The following BBX variants were observed in gnomAD, a reference collection of about 807,000 sequenced individuals.
BBX encodes BBX high mobility group box domain containing.
In BBX, 30 loss-of-function variants were observed where a neutral mutation model predicts 100.2. The ratio of observed to expected loss-of-function variants is 0.30; its 90% CI spans 0.22 to 0.41. The LOEUF is 0.41. Ranked by LOEUF, BBX falls within the 10% of genes least tolerant of loss-of-function variation. The probability of loss-of-function intolerance (pLI) is 1.00; values close to 1 mark genes in which losing one functional copy is unlikely to be tolerated. For missense variants in BBX, 1,023 were observed against 1,129.8 expected (o/e 0.91, Z 1.35); for synonymous variants, 376 against 388.1 (o/e 0.97, Z 0.37).
intron 17 of BBX, among the ~76,000 whole-genome samples, chr3:107,803,615 TAG>T (rs1442193080): frequency 6.6e-6 from 1 of 152,250 alleles, no homozygotes; most frequent in Non-Finnish European, 1.5e-5. Context: ...GTTTATTTAC[TAG>T]AAGTTAAATT....
intron 5 of BBX, among the ~76,000 whole-genome samples, chr3:107,723,580 G>T (rs571411028): frequency 6.6e-6 from 1 of 151,898 alleles, no homozygotes; most frequent in East Asian, 1.9e-4. Context: ...CCCACAACAG[G>T]CCCCGGTGTG....
At chr3:107,800,520 C>G (rs1288378104) in intron 16 of BBX, among the ~76,000 whole-genome samples, 1 of 152,208 alleles carries the variant, frequency 6.6e-6, no homozygotes, top group East Asian at 1.9e-4. Context: ...CATACTTGCA[C>G]AGCATTTCAT....
intron 3 of BBX, among the ~76,000 whole-genome samples, chr3:107,646,909 C>T (rs1276389550): frequency 1.3e-5 from 2 of 152,004 alleles, no homozygotes; most frequent in East Asian, 3.9e-4. Context: ...AAATATAAGG[C>T]CTCTGAACGA....
At chr3:107,598,080 A>T (rs566379148) in intron 2 of BBX, among the ~76,000 whole-genome samples, 2 of 152,212 alleles carry the variant, frequency 1.3e-5, no homozygotes, top group Non-Finnish European at 2.9e-5. Flanking sequence ...GTGTGCCTGC[A>T]TATCCTTTGG....
chr3:107,615,656 G>A (rs776123493), intron 2 of BBX, among the ~76,000 whole-genome samples: 2 of 152,132 alleles, frequency 1.3e-5, no homozygotes, highest in Non-Finnish European at 2.9e-5. Flanking sequence ...CATAGCAAGT[G>A]ACAACTACTG....
intron 2 of BBX, among the ~76,000 whole-genome samples, chr3:107,542,202 C>T (rs1434159856): frequency 6.6e-6 from 1 of 152,020 alleles, no homozygotes; most frequent in African/African-American, 2.4e-5. Context: ...AAGGTCTAGT[C>T]ATTATTATAC....
chr3:107,589,935 A>G (rs527635260), intron 2 of BBX, among the ~76,000 whole-genome samples: 1 of 151,982 alleles, frequency 6.6e-6, no homozygotes, highest in African/African-American at 2.4e-5. Context: ...CTTTTATTTT[A>G]TTGCTTTCTA....
chr3:107,805,306 C>T (rs1422609283), intron 17 of BBX, 64 bp from the exon 18 acceptor site: 2 of 1,461,184 alleles, frequency 1.4e-6, no homozygotes, highest in African/African-American at 1.4e-5. Flanking sequence ...TGTTATTCAT[C>T]GTCCTCTCCT....
At chr3:107,787,045 T>G (rs992806137) in intron 13 of BBX, among the ~76,000 whole-genome samples, 6 of 152,184 alleles carry the variant, frequency 3.9e-5, no homozygotes, top group Non-Finnish European at 5.9e-5. Flanking sequence ...AAAATCCAGT[T>G]AATATCATCA....
At chr3:107,797,651 C>T (rs370831175) in intron 15 of BBX, among the ~76,000 whole-genome samples, 2 of 152,120 alleles carry the variant, frequency 1.3e-5, no homozygotes, top group South Asian at 4.1e-4. Flanking sequence ...TCTTGTCTTA[C>T]TTTTAAGTTA....
At chr3:107,614,193 G>A (rs994746806) in intron 2 of BBX, among the ~76,000 whole-genome samples, 25 of 151,916 alleles carry the variant, frequency 1.6e-4, no homozygotes, top group South Asian at 6.2e-4. Context: ...ATCATGGTCC[G>A]CCTGCCTCGG....
At chr3:107,658,108 G>T (rs1017931566) in intron 3 of BBX, among the ~76,000 whole-genome samples, 1 of 152,042 alleles carries the variant, frequency 6.6e-6, no homozygotes, top group East Asian at 1.9e-4. Context: ...TAGCCATGTT[G>T]TATAATCTTT....
At chr3:107,749,872 G>C (rs1386564392) in intron 9 of BBX, among the ~76,000 whole-genome samples, 2 of 152,130 alleles carry the variant, frequency 1.3e-5, no homozygotes, top group Non-Finnish European at 2.9e-5. Context: ...GACCTCAGGT[G>C]ATCCGCCCGC....
At chr3:107,600,107 A>G (rs6798865) in intron 2 of BBX, among the ~76,000 whole-genome samples, 2,938 of 152,342 alleles carry the variant, frequency 0.019, 74 homozygotes, top group African/African-American at 0.066. Context: ...ATTTAGAAGC[A>G]TAGCCTAAAA....
intron 3 of BBX, among the ~76,000 whole-genome samples, chr3:107,646,440 A>G (rs1576157147): frequency 6.6e-6 from 1 of 152,294 alleles, no homozygotes; most frequent in African/African-American, 2.4e-5. Context: ...CATGTGCCAA[A>G]TTATATAAAA....
At chr3:107,749,594 A>G (rs557005816) in intron 9 of BBX, among the ~76,000 whole-genome samples, 6 of 152,122 alleles carry the variant, frequency 3.9e-5, no homozygotes, top group African/African-American at 1.2e-4. Flanking sequence ...TGCTGGTTCT[A>G]ACCGTTATCA....
rs1231262532 is a variant in BBX at position 107,809,666 on chromosome 3, T to C, written c.*4209T>C. On this transcript the variant is annotated 3_prime_UTR_variant, in exon 18 of 18. Transcript: ENST00000325805. Reference sequence around the variant, plus strand: ...AAACTGCCTCCTCCAGAGAGAACAATGTATTGCTGAAAATGGGCAGTAGAA... The same window carrying C: ...AAACTGCCTCCTCCAGAGAGAACAACGTATTGCTGAAAATGGGCAGTAGAA... 1 of 152,234 alleles carries C rather than the reference T, an allele frequency of 6.6e-6. No individual in the cohort carries two copies. The highest frequency in any genetic ancestry group is 6.5e-5 in the Admixed American group (1 of 15,278). 9.4% of individuals were successfully genotyped at this position (152,234 alleles called of 1,614,324 possible). A position where few individuals can be genotyped will look rare whatever the true frequency, so the allele number is the denominator to read the frequency against.
chr3:107,653,572 TATA>T (rs2107819301), intron 3 of BBX, among the ~76,000 whole-genome samples: 1 of 152,358 alleles, frequency 6.6e-6, no homozygotes, highest in Non-Finnish European at 1.5e-5. Flanking sequence ...TATTATCTTG[TATA>T]ACCTGCTTAA....
chr3:107,665,074 G>A (rs960853432), intron 3 of BBX, among the ~76,000 whole-genome samples: 8 of 152,044 alleles, frequency 5.3e-5, no homozygotes, highest in South Asian at 2.1e-4. Flanking sequence ...AATATTTTGC[G>A]TTTTGTCAAG....
Sources: gnomAD v4.1 joint callset for allele counts (sites outside exome capture counted in the v4.1 genomes callset) on GRCh38, gnomAD v4.1.1 for gene constraint, MANE v1.5 for transcripts, NCBI Gene and HGNC (gene_info 2026-07-23, HGNC 2026-07-21) for gene names.